HERC4: variants seen among roughly 807,000 people sequenced by gnomAD.
HERC4 encodes probable E3 ubiquitin-protein ligase HERC4.
Under a neutral mutation model 124.3 loss-of-function variants are expected in HERC4, and 28 were observed. The observed-to-expected ratio is 0.23, with a 90% CI of 0.17 to 0.31. HERC4 has a LOEUF of 0.31. Among genes scored for constraint, HERC4 ranks in the 10% least tolerant of loss-of-function variants. HERC4 has a pLI of 1.00. For missense variants in HERC4, 713 were observed against 1,229.3 expected (o/e 0.58, Z 6.28); for synonymous variants, 407 against 421.5 (o/e 0.97, Z 0.42).
rs117393829 is a variant in HERC4, at chr10:67,953,355, T to C, written c.2337+1240A>G. The stretch of plus-strand genomic sequence containing the variant: ...TCTATCTATATTAGGGTATACTCTT[T>C]GTACAAAAAGAACTGAAAAACAATT... On this transcript the variant is annotated intron_variant, in intron 19 of 24. Transcript: ENST00000373700. 6.1e-3 allele frequency among the ~76,000 whole-genome samples: 928 copies of C among 152,320 alleles called. 5 individuals carry two copies. Among genetic ancestry groups the C allele is most frequent in the South Asian group, 0.019 (93 of 4,826 alleles).
chr10:68,059,844 A>AT lies in HERC4; in HGVS notation c.226+13038dup, dbSNP rs1564609914. Among the ~76,000 whole-genome samples, 27 of 24,772 alleles carry AT rather than the reference A, an allele frequency of 1.1e-3. 5 individuals are homozygous for AT. The African/African-American group carries it at 0.013, about 12-fold the overall frequency. 16.3% of individuals were successfully genotyped at this position (24,772 alleles called of 152,430 possible). A position where few individuals can be genotyped will look rare whatever the true frequency, so the allele number is the denominator to read the frequency against. Reference sequence around the variant, plus strand: ...ATATCATAATATTATATATTATAATATATTATATATCATAATATTATATAT... The same window carrying AT: ...ATATCATAATATTATATATTATAATATTATTATATATCATAATATTATATAT... On this transcript the variant is annotated intron_variant, in intron 3 of 24. Transcript: ENST00000373700.
chr10:67,936,068 T>A, intron 22 of HERC4, 85 bp downstream of exon 22: 1 of 811,494 alleles, frequency 1.2e-6, no homozygotes, highest in South Asian at 2.0e-5. Flanking sequence ...AGTAAAAGCT[T>A]AGGGTTGTGA....
At chr10:67,958,692 CTGAG>C (rs1396141246) in intron 16 of HERC4, among the ~76,000 whole-genome samples, 14 of 152,194 alleles carry the variant, frequency 9.2e-5, no homozygotes, top group African/African-American at 2.4e-4. Context: ...TGTGACCATT[CTGAG>C]TATCAATTAA....
intron 3 of HERC4, among the ~76,000 whole-genome samples, chr10:68,063,192 A>ATACATTTTATTTATT (rs2041121813): frequency 6.6e-6 from 1 of 151,810 alleles, no homozygotes; most frequent in African/African-American, 2.4e-5. Context: ...AAAGCTTGTC[A>ATACATTTTATTTATT]TACATTTTAT....
chr10:67,979,947 GA>G (rs944839471), intron 15 of HERC4, among the ~76,000 whole-genome samples: 6 of 148,454 alleles, frequency 4.0e-5, no homozygotes, highest in Non-Finnish European at 7.5e-5. Context: ...AAAAAAAAAA[GA>G]AAAAAAAACC....
intron 7 of HERC4, among the ~76,000 whole-genome samples, chr10:68,029,227 A>G (rs1213787981): frequency 3.3e-5 from 5 of 152,200 alleles, no homozygotes; most frequent in Non-Finnish European, 4.4e-5. Context: ...GCAGTGGCTC[A>G]CGCCTATAAT....
chr10:68,036,746 C>G (rs937050778), intron 5 of HERC4, among the ~76,000 whole-genome samples: 2 of 152,188 alleles, frequency 1.3e-5, no homozygotes, highest in Non-Finnish European at 2.9e-5. Context: ...TTCTTCTCAA[C>G]ATTTCTCCAA....
chr10:67,940,088 C>T (rs1331260211), intron 20 of HERC4, among the ~76,000 whole-genome samples: 5 of 151,800 alleles, frequency 3.3e-5, no homozygotes, highest in East Asian at 1.9e-4. Context: ...CCACCATGCC[C>T]GGCTAATTTT....
At chr10:68,020,056 T>C (rs924329194) in intron 8 of HERC4, among the ~76,000 whole-genome samples, 3 of 152,192 alleles carry the variant, frequency 2.0e-5, no homozygotes, top group African/African-American at 7.2e-5. Context: ...CAACCACATT[T>C]ATGGGTGAAT....
chr10:67,965,319 T>C (rs969631224), intron 16 of HERC4: 8 of 152,336 alleles, frequency 5.3e-5, no homozygotes, highest in South Asian at 2.1e-4. Flanking sequence ...TTGCCAATCT[T>C]GCCCAGTAGA....
At chr10:68,063,241 GCT>G (rs2041125831) in intron 3 of HERC4, among the ~76,000 whole-genome samples, 1 of 151,282 alleles carries the variant, frequency 6.6e-6, no homozygotes, top group African/African-American at 2.4e-5. Context: ...TTGGAGTCTC[GCT>G]CTGTAACCCA....
intron 9 of HERC4, among the ~76,000 whole-genome samples, chr10:68,013,554 G>A (rs1216923490): frequency 6.6e-6 from 1 of 152,190 alleles, no homozygotes; most frequent in African/African-American, 2.4e-5. Context: ...AAGACATAAA[G>A]TAGAATAGCA....
At chr10:68,048,835 T>C (rs1244308851) in intron 3 of HERC4, among the ~76,000 whole-genome samples, 1 of 152,170 alleles carries the variant, frequency 6.6e-6, no homozygotes, top group Non-Finnish European at 1.5e-5. Context: ...AGAAAGGGTA[T>C]TTTTTAAATT....
At chr10:67,932,887 T>A in intron 22 of HERC4, 107 bp from the exon 23 acceptor site, 2 of 944,408 alleles carry the variant, frequency 2.1e-6, no homozygotes, top group Non-Finnish European at 1.5e-6. Flanking sequence ...GCTACATATC[T>A]ACGAAACTGA....
chr10:67,959,731 G>A (rs1386570252), intron 16 of HERC4, among the ~76,000 whole-genome samples: 1 of 152,014 alleles, frequency 6.6e-6, no homozygotes, highest in Non-Finnish European at 1.5e-5. Flanking sequence ...AAAAAGGGTT[G>A]GTAAGCAAAA....
chr10:68,064,826 GCT>G (rs2041220976), intron 3 of HERC4, among the ~76,000 whole-genome samples: 1 of 151,818 alleles, frequency 6.6e-6, no homozygotes, highest in African/African-American at 2.4e-5. Context: ...CAAAAAATTA[GCT>G]GGGAGTGGTG....
intron 13 of HERC4, 140 bp from the exon 14 acceptor site, chr10:67,990,540 AAAAG>A (rs1256327352): frequency 1.7e-5 from 9 of 524,068 alleles, no homozygotes; most frequent in African/African-American, 5.9e-5. Flanking sequence ...TGAAGAAGAA[AAAAG>A]AAAGACAATG....
Position 67,990,358 on chromosome 10 carries a change from T to C in HERC4, c.1486A>G (p.Ser496Gly). The change falls in exon 14 of 25, where the codon AGC becomes GGC. Residue 496 changes from serine (S) to glycine (G), a missense_variant. Ser to Gly is a moderately conservative substitution (Grantham distance 56). Coordinates refer to ENST00000373700, the MANE Select transcript of HERC4 (RefSeq NM_015601.4). ...LEKNLIPKLT[S>G]SLPDVEALRF... ...AATGCTTCAACATCAGGTAAGGAGC[T>C]AGTCAGTTTAGGAATAAGATTCTTT... The C allele has an allele frequency of 6.2e-7, 1 of 1,604,866 alleles. No homozygotes were observed. The highest frequency in any genetic ancestry group is 8.5e-7 in the Non-Finnish European group (1 of 1,175,786).
At chr10:67,998,514 T>C (rs184775063) in intron 9 of HERC4, among the ~76,000 whole-genome samples, 2,724 of 138,648 alleles carry the variant, frequency 0.02, 87 homozygotes, top group African/African-American at 0.073. Flanking sequence ...GCCACTGCAT[T>C]ACAGCCTGTG....
Sources: allele counts gnomAD v4.1 joint callset (sites outside exome capture counted in the v4.1 genomes callset), GRCh38; gene constraint gnomAD v4.1.1; transcripts MANE v1.5; gene names NCBI Gene and HGNC (gene_info 2026-07-23, HGNC 2026-07-21).